Variants in SYT9 observed in about 807,000 individuals in gnomAD.
SYT9 encodes the protein synaptotagmin 9, also known as synaptotagmin-9.
A neutral mutation model predicts 48.4 loss-of-function variants in SYT9; 22 were observed. The observed-to-expected ratio is 0.45, with a 90% CI of 0.32 to 0.65. The LOEUF is 0.65. Ranked by LOEUF, SYT9 falls within the 30% of genes least tolerant of loss-of-function variation. The pLI, the probability that SYT9 is intolerant of heterozygous loss-of-function variation, is 0.03. For missense variants in SYT9, 577 were observed against 622.0 expected (o/e 0.93, Z 0.77); for synonymous variants, 265 against 245.0 (o/e 1.08, Z -0.76).
At chr11:7,341,891 C>T (rs1202177965) in intron 3 of SYT9, among the ~76,000 whole-genome samples, 2 of 152,056 alleles carry the variant, frequency 1.3e-5, no homozygotes, top group Non-Finnish European at 2.9e-5. Flanking sequence ...ACTCATAGTT[C>T]CACGTGGTTG....
At chr11:7,258,486 A>G (rs1316814037) in intron 1 of SYT9, among the ~76,000 whole-genome samples, 2 of 152,078 alleles carry the variant, frequency 1.3e-5, no homozygotes, top group Non-Finnish European at 2.9e-5. Flanking sequence ...GATCTCTTTG[A>G]AATCTTCATA....
chr11:7,298,224 C>T (rs756383321), intron 1 of SYT9, among the ~76,000 whole-genome samples: 6 of 152,054 alleles, frequency 3.9e-5, no homozygotes, highest in Admixed American at 1.3e-4. Flanking sequence ...TTGTTTTTCT[C>T]GGTCTACGTT....
chr11:7,319,975 G>A (rs1467880825), intron 3 of SYT9, among the ~76,000 whole-genome samples: 2 of 152,162 alleles, frequency 1.3e-5, no homozygotes, highest in African/African-American at 2.4e-5. Context: ...ACCTGAAGGA[G>A]TTTCTGTGAG....
intron 3 of SYT9, among the ~76,000 whole-genome samples, chr11:7,393,294 G>GGT (rs1846673876): frequency 7.1e-6 from 1 of 141,536 alleles, no homozygotes; most frequent in Non-Finnish European, 1.5e-5. Flanking sequence ...GTTTGTTGAG[G>GGT]TTTTTTTTTT....
At chr11:7,407,582 T>G (rs1847046428) in intron 3 of SYT9, among the ~76,000 whole-genome samples, 1 of 111,370 alleles carries the variant, frequency 9.0e-6, no homozygotes, top group African/African-American at 5.4e-5. Flanking sequence ...GGGTTTCACC[T>G]TGTTAGCCAG....
At chr11:7,282,456 T>C (rs1201967103) in intron 1 of SYT9, among the ~76,000 whole-genome samples, 2 of 152,136 alleles carry the variant, frequency 1.3e-5, no homozygotes, top group Non-Finnish European at 2.9e-5. Flanking sequence ...TTATAAAATA[T>C]CCTTTGCCCA....
intron 3 of SYT9, among the ~76,000 whole-genome samples, chr11:7,350,147 A>G (rs1257759294): frequency 1.3e-5 from 2 of 152,232 alleles, no homozygotes; most frequent in African/African-American, 4.8e-5. Flanking sequence ...GAACTAATCA[A>G]TAAAGGGTAC....
chr11:7,258,612 G>T (rs1166679744), intron 1 of SYT9, among the ~76,000 whole-genome samples: 1 of 152,096 alleles, frequency 6.6e-6, no homozygotes, highest in Non-Finnish European at 1.5e-5. Context: ...AATAAGCAAG[G>T]ACTTTGGAGT....
intron 3 of SYT9, among the ~76,000 whole-genome samples, chr11:7,396,384 T>G (rs1846753096): frequency 6.6e-6 from 1 of 152,184 alleles, no homozygotes; most frequent in South Asian, 2.1e-4. Context: ...GTGTCTGGCT[T>G]CTTTCATTCA....
chr11:7,306,082 A>G (rs1849025506), intron 2 of SYT9, among the ~76,000 whole-genome samples: 1 of 152,206 alleles, frequency 6.6e-6, no homozygotes, highest in Admixed American at 6.5e-5. Flanking sequence ...AGTACCATCC[A>G]AAATTCCTGT....
At chr11:7,322,790 C>T (rs549095654) in intron 3 of SYT9, among the ~76,000 whole-genome samples, 2 of 152,172 alleles carry the variant, frequency 1.3e-5, no homozygotes, top group African/African-American at 4.8e-5. Context: ...TTGAAGCTTC[C>T]TATGTGCCGC....
chr11:7,433,586 C>T (rs1343731614), intron 6 of SYT9, among the ~76,000 whole-genome samples: 2 of 152,078 alleles, frequency 1.3e-5, no homozygotes, highest in African/African-American at 4.8e-5. Flanking sequence ...AAACCTAATC[C>T]CCAATGTGCT....
chr11:7,311,891 A>G (rs1185417257), intron 2 of SYT9, among the ~76,000 whole-genome samples: 2 of 152,214 alleles, frequency 1.3e-5, no homozygotes, highest in Non-Finnish European at 2.9e-5. Flanking sequence ...GCACTAGCTC[A>G]GAAAGCCAGT....
Position 7,313,772 on chromosome 11 carries a change from C to T in SYT9, c.875C>T (p.Pro292Leu), listed in dbSNP as rs756760236. The T allele has an allele frequency of 1.9e-6, 3 of 1,614,020 alleles. No homozygotes were observed. The highest frequency in any genetic ancestry group is 1.7e-5 in the Admixed American group (1 of 59,994). Residue 292 changes from proline to leucine, a missense_variant, in exon 3 of 7, where the codon CCG becomes CTG. Pro to Leu is a moderately conservative substitution (Grantham distance 98). Coordinates refer to ENST00000318881, the MANE Select transcript of SYT9 (RefSeq NM_175733.4). The stretch of plus-strand genomic sequence containing the variant: ...GTGTTTGATGAAGTGTTTTTATTTC[C>T]GGTTCCCTACAATGACCTTGAAGCA... Reference protein sequence around the residue: ...NPVFDEVFLFPVPYNDLEARK... With the variant: ...NPVFDEVFLFLVPYNDLEARK...
At chr11:7,301,933 G>A (rs762317631) in intron 1 of SYT9, among the ~76,000 whole-genome samples, 1 of 152,158 alleles carries the variant, frequency 6.6e-6, no homozygotes, top group South Asian at 2.1e-4. Flanking sequence ...GAACCTTAGG[G>A]GCATAGTCAC....
At chr11:7,338,569 A>G (rs750168922) in intron 3 of SYT9, among the ~76,000 whole-genome samples, 5 of 152,178 alleles carry the variant, frequency 3.3e-5, no homozygotes, top group Non-Finnish European at 7.3e-5. Flanking sequence ...ATTAGTATCA[A>G]AGAACTTCTT....
intron 1 of SYT9, among the ~76,000 whole-genome samples, chr11:7,261,152 A>G (rs1848071141): frequency 6.6e-6 from 1 of 152,206 alleles, no homozygotes; most frequent in African/African-American, 2.4e-5. Context: ...CAGGCTGTCC[A>G]TTTCTAATAT....
intron 6 of SYT9, among the ~76,000 whole-genome samples, chr11:7,432,547 CAAAAAAAAAAAAAAAAAAAAAA>C (rs67650978): frequency 7.7e-4 from 13 of 16,924 alleles, no homozygotes; most frequent in African/African-American, 2.8e-3. Flanking sequence ...GACTCCATCT[CAAAAAAAAAAAAAAAAAAAAAA>C]AAAAAAAAAA....
intron 1 of SYT9, among the ~76,000 whole-genome samples, chr11:7,302,259 T>C (rs1456508418): frequency 6.6e-6 from 1 of 152,258 alleles, no homozygotes; most frequent in Non-Finnish European, 1.5e-5. Context: ...TGAGGTGTAT[T>C]AAGCCTCCAT....
Sources: allele counts gnomAD v4.1 joint callset (sites outside exome capture counted in the v4.1 genomes callset), GRCh38; gene constraint gnomAD v4.1.1; transcripts MANE v1.5; gene names NCBI Gene and HGNC (gene_info 2026-07-23, HGNC 2026-07-21).